Variants in PRIM2 observed in about 807,000 individuals in gnomAD.
PRIM2 encodes DNA primase subunit 2, also known as DNA primase large subunit.
Under a neutral mutation model 67.3 loss-of-function variants are expected in PRIM2, and 39 were observed. The ratio of observed to expected loss-of-function variants is 0.58; its 90% CI spans 0.45 to 0.76. PRIM2 has a LOEUF of 0.76. Among genes scored for constraint, PRIM2 ranks in the 30% least tolerant of loss-of-function variants. PRIM2 has a pLI of 0.00. For missense variants in PRIM2, 398 were observed against 598.7 expected, an observed-to-expected ratio of 0.66 and a Z score of 3.50; for synonymous variants, 143 against 198.7, an observed-to-expected ratio of 0.72 and a Z score of 2.36.
At chr6:57,434,130 G>T (rs529537420) in intron 7 of PRIM2, among the ~76,000 whole-genome samples, 1 of 151,908 alleles carries the variant, frequency 6.6e-6, no homozygotes, top group East Asian at 1.9e-4. Flanking sequence ...CTCCATGTTG[G>T]TCAGGCTGGG....
In PRIM2 at chr6:57,525,924, G is replaced by GGT. The variant is rs1223831693; in HGVS notation, c.762-6477_762-6476dup. Among the ~76,000 whole-genome samples the GGT allele has an allele frequency of 2.6e-5, 4 of 152,132 alleles. No individual in the cohort carries two copies. The East Asian group carries it at 5.8e-4, about 22-fold the overall frequency. On this transcript the variant is annotated intron_variant, in intron 8 of 13. Coordinates refer to ENST00000615550, the MANE Select transcript of PRIM2 (RefSeq NM_000947.5). ...GGGGGGTTGTACAGGGATTCCTGAA[G>GGT]GTGTGTGTGTGGTGTTTTTTTATTT... is the stretch of plus-strand genomic sequence containing the variant.
At chr6:57,485,459 C>T (rs1338542649) in intron 7 of PRIM2, among the ~76,000 whole-genome samples, 1 of 152,046 alleles carries the variant, frequency 6.6e-6, no homozygotes, top group Non-Finnish European at 1.5e-5. Context: ...AGAGATAGGT[C>T]ATGTGAATTA....
intron 7 of PRIM2, among the ~76,000 whole-genome samples, chr6:57,491,433 C>G (rs1160894644): frequency 6.6e-5 from 10 of 152,274 alleles, no homozygotes; most frequent in Non-Finnish European, 1.0e-4. Flanking sequence ...GGTGGCAGGT[C>G]ATGATACATA....
chr6:57,247,684 G>T, the PRIM2 span, among the ~76,000 whole-genome samples: 533 of 152,288 alleles, frequency 3.5e-3, 2 homozygotes, highest in Middle Eastern at 0.017. Flanking sequence ...ATCTTAGGTT[G>T]TCATTTTGGA....
At chr6:57,254,644 C>T in the PRIM2 span, among the ~76,000 whole-genome samples, 1 of 152,150 alleles carries the variant, frequency 6.6e-6, no homozygotes, top group African/African-American at 2.4e-5. Context: ...GAATTCTTAA[C>T]AGAGGCCTGT....
upstream of PRIM2, among the ~76,000 whole-genome samples, chr6:57,311,278 C>T (rs547198903): frequency 2.4e-3 from 272 of 112,810 alleles, no homozygotes; most frequent in East Asian, 6.3e-3. Flanking sequence ...ACTTCCCAGA[C>T]GGGGCGGCCG....
intron 7 of PRIM2, among the ~76,000 whole-genome samples, chr6:57,487,972 T>C (rs1350930607): frequency 1.3e-5 from 2 of 152,216 alleles, no homozygotes; most frequent in East Asian, 3.8e-4. Context: ...TAATACAGTA[T>C]AGTTTACAGT....
chr6:57,321,131 A>G, intron 3 of PRIM2, among the ~76,000 whole-genome samples: 1 of 152,218 alleles, frequency 6.6e-6, no homozygotes, highest in East Asian at 1.9e-4. Context: ...TCTGAATTAA[A>G]TGAGAGAAGG....
the PRIM2 span, among the ~76,000 whole-genome samples, chr6:57,237,861 C>T: frequency 6.6e-6 from 1 of 152,186 alleles, no homozygotes; most frequent in Non-Finnish European, 1.5e-5. Context: ...ATGCCTCCAG[C>T]TTTGTTCTTT....
chr6:57,246,152 T>G, the PRIM2 span, among the ~76,000 whole-genome samples: 5 of 152,362 alleles, frequency 3.3e-5, no homozygotes, highest in African/African-American at 9.6e-5. Context: ...TGTAACTTAT[T>G]TAATTGTTAA....
chr6:57,308,765 A>G, the PRIM2 span, among the ~76,000 whole-genome samples: 1 of 152,308 alleles, frequency 6.6e-6, no homozygotes, highest in East Asian at 1.9e-4. Context: ...TTACTAATGT[A>G]ATTAAACATA....
At chr6:57,572,290 C>T (rs1455527789) in intron 10 of PRIM2, among the ~76,000 whole-genome samples, 27 of 152,258 alleles carry the variant, frequency 1.8e-4, no homozygotes, top group South Asian at 8.3e-4. Context: ...TAGTGTTGAG[C>T]GGCAGCCAAA....
rs561262874 is a variant in PRIM2, at chr6:57,445,172, T to C, written c.694-62215T>C. Among the ~76,000 whole-genome samples the C allele has an allele frequency of 2.0e-5, 3 of 152,354 alleles. No individual in the cohort carries two copies. In the East Asian group the frequency reaches 5.8e-4, roughly 29 times the overall value. ...CAGGCAGATTGCAGAAAGGCAGGTA[T>C]CTTTGTTTGCCAACATTCTCGTATA... On this transcript the variant is annotated intron_variant, in intron 7 of 13. Transcript: ENST00000615550.
intron 10 of PRIM2, among the ~76,000 whole-genome samples, chr6:57,538,582 C>G (rs1275178761): frequency 3.3e-5 from 5 of 152,032 alleles, no homozygotes; most frequent in Non-Finnish European, 7.4e-5. Flanking sequence ...GAATATTTAC[C>G]AGGTACATTT....
At position 57,575,625 on chromosome 6, in the gene PRIM2, T is replaced by C. The variant is rs1775949216; in HGVS notation, c.1021-25468T>C. Among the ~76,000 whole-genome samples, 4 of 152,226 alleles carry C rather than the reference T, an allele frequency of 2.6e-5. No individual in the cohort carries two copies. The South Asian group carries it at 8.3e-4, about 32-fold the overall frequency. Reference sequence around the variant, plus strand: ...GAAAATAAATGAGATAATTACCAAGTGGTTGGAAAATTTACTCTTGAGGGG... The same window carrying C: ...GAAAATAAATGAGATAATTACCAAGCGGTTGGAAAATTTACTCTTGAGGGG... On this transcript the variant is annotated intron_variant, in intron 10 of 13. Transcript: ENST00000615550.
At chr6:57,458,301 T>C (rs1430976204) in intron 7 of PRIM2, among the ~76,000 whole-genome samples, 2 of 152,162 alleles carry the variant, frequency 1.3e-5, no homozygotes, top group Non-Finnish European at 2.9e-5. Context: ...CACCTTGGCT[T>C]ATATTTCATT....
chr6:57,620,701 C>G (rs1776837313), intron 12 of PRIM2, among the ~76,000 whole-genome samples: 1 of 152,194 alleles, frequency 6.6e-6, no homozygotes. Context: ...CAACCAAGAG[C>G]ATGATGAATG....
At chr6:57,301,348 G>A in the PRIM2 span, among the ~76,000 whole-genome samples, 1 of 151,936 alleles carries the variant, frequency 6.6e-6, no homozygotes, top group East Asian at 1.9e-4. Flanking sequence ...TTAGCTGGGC[G>A]TGGTGGCCCA....
chr6:57,358,603 A>G (rs1482429941), intron 5 of PRIM2, among the ~76,000 whole-genome samples: 1 of 152,218 alleles, frequency 6.6e-6, no homozygotes, highest in Non-Finnish European at 1.5e-5. Flanking sequence ...CAGTTATTCA[A>G]TGTAATTGAA....
Sources: allele counts gnomAD v4.1 joint callset (sites outside exome capture counted in the v4.1 genomes callset), GRCh38; gene constraint gnomAD v4.1.1; transcripts MANE v1.5; gene names NCBI Gene and HGNC (gene_info 2026-07-23, HGNC 2026-07-21).